CARMIL1: variants seen among roughly 807,000 people sequenced by gnomAD.
The protein encoded by CARMIL1 is F-actin-uncapping protein LRRC16A.
Under a neutral mutation model 177.1 loss-of-function variants are expected in CARMIL1, and 90 were observed. That is an observed-to-expected ratio of 0.51 (90% CI 0.43 to 0.61). CARMIL1 has a LOEUF of 0.61. Among genes scored for constraint, CARMIL1 ranks in the 20% least tolerant of loss-of-function variants. CARMIL1 has a pLI of 0.00. For missense variants in CARMIL1, 1,380 were observed against 1,667.0 expected (o/e 0.83, Z 3.00); for synonymous variants, 577 against 606.2 (o/e 0.95, Z 0.71).
At chr6:25,370,047 A>T (rs1790255134) in intron 2 of CARMIL1, 2 of 152,328 alleles carry the variant, frequency 1.3e-5, no homozygotes, top group South Asian at 4.1e-4. Context: ...TTTAAAGCGT[A>T]TCCGACTCTA....
At chr6:25,424,562 G>C (rs907598214) in intron 3 of CARMIL1, among the ~76,000 whole-genome samples, 14 of 152,078 alleles carry the variant, frequency 9.2e-5, no homozygotes, top group African/African-American at 2.4e-4. Flanking sequence ...GCTCATTGAG[G>C]GTCATGGGTT....
intron 9 of CARMIL1, 78 bp downstream of exon 9, chr6:25,466,026 A>G (rs1484929916): frequency 2.0e-6 from 2 of 983,418 alleles, no homozygotes; most frequent in Non-Finnish European, 3.3e-6. Flanking sequence ...GAAAAAAACA[A>G]TTTTTTTACT....
chr6:25,532,649 T>C (rs1807887079), intron 24 of CARMIL1, among the ~76,000 whole-genome samples: 2 of 152,232 alleles, frequency 1.3e-5, no homozygotes, highest in African/African-American at 2.4e-5. Context: ...CATTAAAGAA[T>C]GTTTTAATGA....
chr6:25,433,809 A>G (rs2150756919), intron 4 of CARMIL1, among the ~76,000 whole-genome samples: 1 of 152,332 alleles, frequency 6.6e-6, no homozygotes, highest in South Asian at 2.1e-4. Flanking sequence ...TACATTATTT[A>G]TATCCTTTTC....
intron 5 of CARMIL1, among the ~76,000 whole-genome samples, chr6:25,444,724 T>G (rs1798059758): frequency 6.6e-6 from 1 of 152,240 alleles, no homozygotes; most frequent in Non-Finnish European, 1.5e-5. Context: ...TATGGCAGCA[T>G]AGTATTCCAT....
intron 31 of CARMIL1, among the ~76,000 whole-genome samples, chr6:25,587,994 TAAAA>T (rs1349354826): frequency 1.3e-5 from 2 of 151,994 alleles, no homozygotes; most frequent in African/African-American, 4.8e-5. Flanking sequence ...TAAAAGGCAA[TAAAA>T]AAACCACAAC....
chr6:25,455,095 A>G (rs1799370721), intron 8 of CARMIL1, among the ~76,000 whole-genome samples: 1 of 152,180 alleles, frequency 6.6e-6, no homozygotes, highest in African/African-American at 2.4e-5. Context: ...TCCCTATTTG[A>G]ACATATTTGA....
intron 2 of CARMIL1, among the ~76,000 whole-genome samples, chr6:25,327,592 A>G (rs1051187532): frequency 3.3e-5 from 5 of 152,344 alleles, no homozygotes; most frequent in African/African-American, 1.2e-4. Context: ...ACAAAGTCTG[A>G]ATGAGCATTT....
intron 31 of CARMIL1, among the ~76,000 whole-genome samples, chr6:25,584,721 C>T (rs1813475464): frequency 6.6e-6 from 1 of 152,126 alleles, no homozygotes; most frequent in South Asian, 2.1e-4. Flanking sequence ...CTCCCTCTCC[C>T]CATGTCTTCA....
At chr6:25,563,944 AT>A (rs1332944928) in intron 29 of CARMIL1, 1 of 854,732 alleles carries the variant, frequency 1.2e-6, no homozygotes, top group African/African-American at 1.8e-5. Flanking sequence ...AATCAGTATA[AT>A]GGTTGCAACC....
At chr6:25,474,228 C>T (rs1801324287) in intron 11 of CARMIL1, among the ~76,000 whole-genome samples, 1 of 151,870 alleles carries the variant, frequency 6.6e-6, no homozygotes, top group South Asian at 2.1e-4. Context: ...CTGCCTCAGC[C>T]TCCCGAGTAG....
chr6:25,341,066 TC>T, intron 2 of CARMIL1, among the ~76,000 whole-genome samples: 1 of 152,128 alleles, frequency 6.6e-6, no homozygotes, highest in African/African-American at 2.4e-5. Flanking sequence ...ATACTGTGTG[TC>T]AGGCAGTGTT....
rs534300846 is a variant in CARMIL1 at position 25,468,816 on chromosome 6, T to G, written c.691-2353T>G. On this transcript the variant is annotated intron_variant, in intron 9 of 36. Transcript: ENST00000329474. ...AGACACTTTCATACATTTTCCTTAA[T>G]AAATTTGTATTACAGTATTTATACC... Among the ~76,000 whole-genome samples the G allele has an allele frequency of 5.9e-5, 9 of 152,346 alleles. No homozygotes were observed. The South Asian group carries it at 1.9e-3, about 32-fold the overall frequency.
intron 4 of CARMIL1, among the ~76,000 whole-genome samples, chr6:25,429,638 GTTTC>G (rs1796563124): frequency 6.6e-6 from 1 of 152,018 alleles, no homozygotes; most frequent in African/African-American, 2.4e-5. Flanking sequence ...GGTTTAAGAA[GTTTC>G]TTTCTATTTT....
rs972058903 is a variant in CARMIL1, at chr6:25,558,287, G to T, written c.2742+1437G>T. ...TTGGTCATGTGTAAATTGGAAAAGG[G>T]TGAAGGAAAAAACAAGCTAGTAAAA... On this transcript the variant is annotated intron_variant, in intron 29 of 36. Coordinates refer to ENST00000329474, the MANE Select transcript of CARMIL1 (RefSeq NM_017640.6). This position sits in a 1 kb window ranked among gnomAD's most constrained non-coding sequence, Gnocchi z 4.1. 1.3e-5 allele frequency among the ~76,000 whole-genome samples: 2 copies of T among 152,152 alleles called. No individual in the cohort carries two copies. Among genetic ancestry groups the T allele is most frequent in the Non-Finnish European group, 2.9e-5 (2 of 68,026 alleles).
At chr6:25,427,292 G>A (rs75162268) in intron 4 of CARMIL1, among the ~76,000 whole-genome samples, 2,061 of 152,108 alleles carry the variant, frequency 0.014, 27 homozygotes, top group Middle Eastern at 0.024. Context: ...TAGGTATTAA[G>A]CCCAGCACGC....
chr6:25,373,459 A>G (rs924237968), intron 2 of CARMIL1, among the ~76,000 whole-genome samples: 2 of 140,784 alleles, frequency 1.4e-5, no homozygotes, highest in Non-Finnish European at 3.0e-5. Flanking sequence ...GGAAGATTGT[A>G]TGTTTCCAGG....
chr6:25,431,476 C>T (rs893213397), intron 4 of CARMIL1, among the ~76,000 whole-genome samples: 2 of 150,094 alleles, frequency 1.3e-5, no homozygotes, highest in African/African-American at 4.9e-5. Flanking sequence ...ATATGTTTGC[C>T]CAAATGGTCA....
chr6:25,371,970 G>T (rs1046221721), intron 2 of CARMIL1, among the ~76,000 whole-genome samples: 26 of 152,148 alleles, frequency 1.7e-4, no homozygotes, highest in African/African-American at 6.3e-4. Context: ...TATACATGTG[G>T]CTATCCAGTT....
Sources: allele counts gnomAD v4.1 joint callset (sites outside exome capture counted in the v4.1 genomes callset), GRCh38; gene constraint gnomAD v4.1.1; non-coding constraint Gnocchi (gnomAD v3.1); transcripts MANE v1.5; gene names NCBI Gene and HGNC (gene_info 2026-07-23, HGNC 2026-07-21).